Variants in MEGF10 observed in about 807,000 individuals in gnomAD.
MEGF10 encodes the protein multiple EGF like domains 10, also known as multiple epidermal growth factor-like domains protein 10.
MEGF10 carries 86 observed loss-of-function variants against 147.5 expected under a neutral mutation model. The ratio of observed to expected loss-of-function variants is 0.58; its 90% confidence interval spans 0.49 to 0.70. MEGF10 has a LOEUF of 0.70. Among genes scored for constraint, MEGF10 ranks in the 30% least tolerant of loss-of-function variants. The pLI, the probability that MEGF10 is intolerant of heterozygous loss-of-function variation, is 0.00. For missense variants in MEGF10, 1,329 were observed against 1,487.3 expected, an observed-to-expected ratio of 0.89 and a Z score of 1.75; for synonymous variants, 478 against 525.5, an observed-to-expected ratio of 0.91 and a Z score of 1.24.
intron 2 of MEGF10, among the ~76,000 whole-genome samples, chr5:127,334,212 G>A (rs768757713): frequency 6.6e-6 from 1 of 152,044 alleles, no homozygotes; most frequent in Non-Finnish European, 1.5e-5. Context: ...AGCTCCAAGG[G>A]CATAATTCTG....
the MEGF10 span, among the ~76,000 whole-genome samples, chr5:127,234,575 A>C: frequency 6.6e-6 from 1 of 152,230 alleles, no homozygotes; most frequent in African/African-American, 2.4e-5. Context: ...TGCATCCACC[A>C]AAATGAATCC....
chr5:127,378,155 C>T (rs1056022647), intron 5 of MEGF10, among the ~76,000 whole-genome samples: 2 of 152,166 alleles, frequency 1.3e-5, no homozygotes, highest in African/African-American at 2.4e-5. Flanking sequence ...ATTGCTATCC[C>T]CCTAACTGCT....
At chr5:127,311,970 G>A (rs905915030) in intron 1 of MEGF10, among the ~76,000 whole-genome samples, 1 of 152,144 alleles carries the variant, frequency 6.6e-6, no homozygotes, top group Non-Finnish European at 1.5e-5. Context: ...ACTTTAAAAA[G>A]TCATAATTAC....
At chr5:127,404,953 C>T (rs1580824796) in intron 8 of MEGF10, among the ~76,000 whole-genome samples, 2 of 152,058 alleles carry the variant, frequency 1.3e-5, no homozygotes, top group Non-Finnish European at 2.9e-5. Flanking sequence ...TGAGCTCAGG[C>T]AATCTGCCTG....
At chr5:127,427,069 T>G (rs1231148877) in intron 13 of MEGF10, among the ~76,000 whole-genome samples, 1 of 152,246 alleles carries the variant, frequency 6.6e-6, no homozygotes, top group Non-Finnish European at 1.5e-5. Context: ...CAGGATGTAC[T>G]CCTTGGCACA....
chr5:127,264,046 A>C, the MEGF10 span, among the ~76,000 whole-genome samples: 1 of 152,174 alleles, frequency 6.6e-6, no homozygotes, highest in Non-Finnish European at 1.5e-5. Context: ...CTCTTATGAA[A>C]GTAGGAGGGA....
the MEGF10 span, among the ~76,000 whole-genome samples, chr5:127,273,683 A>G: frequency 6.6e-6 from 1 of 152,222 alleles, no homozygotes; most frequent in African/African-American, 2.4e-5. Context: ...TCTGCTTTTG[A>G]AAAGGTCTTA....
chr5:127,276,709 C>A, the MEGF10 span, among the ~76,000 whole-genome samples: 1 of 152,134 alleles, frequency 6.6e-6, no homozygotes, highest in Non-Finnish European at 1.5e-5. Flanking sequence ...GCTTGAGATA[C>A]ATCAGTACAC....
chr5:127,383,267 A>G (rs1372965021), intron 5 of MEGF10, among the ~76,000 whole-genome samples: 1 of 152,162 alleles, frequency 6.6e-6, no homozygotes, highest in Non-Finnish European at 1.5e-5. Flanking sequence ...AGTTTATAGT[A>G]TAATAATGAA....
chr5:127,456,886 A>G (rs1319923734), intron 24 of MEGF10, among the ~76,000 whole-genome samples: 2 of 152,172 alleles, frequency 1.3e-5, no homozygotes, highest in Non-Finnish European at 2.9e-5. Flanking sequence ...TTCCCTTAAT[A>G]TCTTCATCCC....
At chr5:127,438,257 G>A (rs548036346) in intron 16 of MEGF10, among the ~76,000 whole-genome samples, 182 bp from the exon 17 acceptor site, 1 of 152,302 alleles carries the variant, frequency 6.6e-6, no homozygotes, top group Non-Finnish European at 1.5e-5. Context: ...AATGACAGTC[G>A]TTGTTGAAGT....
intron 1 of MEGF10, among the ~76,000 whole-genome samples, chr5:127,300,283 G>A (rs977211107): frequency 6.6e-6 from 1 of 152,148 alleles, no homozygotes; most frequent in Non-Finnish European, 1.5e-5. Flanking sequence ...GATATAGAGA[G>A]GCTTGCCCTC....
chr5:127,235,479 G>T, the MEGF10 span, among the ~76,000 whole-genome samples: 2 of 152,094 alleles, frequency 1.3e-5, no homozygotes, highest in Non-Finnish European at 2.9e-5. Context: ...TACCCCTTAG[G>T]TTTACCTAGT....
At chr5:127,371,094 T>C (rs548022034) in intron 5 of MEGF10, among the ~76,000 whole-genome samples, 1 of 152,268 alleles carries the variant, frequency 6.6e-6, no homozygotes, top group African/African-American at 2.4e-5. Flanking sequence ...TTGGCTCTCC[T>C]TGAAGCAGCT....
chr5:127,302,290 G>A (rs1351464794), intron 1 of MEGF10, among the ~76,000 whole-genome samples: 1 of 152,080 alleles, frequency 6.6e-6, no homozygotes, highest in African/African-American at 2.4e-5. Flanking sequence ...ATTTAGTCAT[G>A]GAAAGAAATG....
At position 127,461,067 on chromosome 5, in the gene MEGF10, G is replaced by T. The variant is rs567392542; in HGVS notation, c.*3749G>T. On this transcript the variant is annotated 3_prime_UTR_variant, in exon 25 of 25. Coordinates refer to ENST00000503335, the MANE Select transcript of MEGF10 (RefSeq NM_001256545.2). ...AAAAGAAAAATCAAAATACATTAGG[G>T]TTTACTTGGTTGTGGCAAACAAACA... 6.6e-6 allele frequency: 1 copy of T among 152,094 alleles called. No homozygotes were observed. The highest frequency in any genetic ancestry group is 2.4e-5 in the African/African-American group (1 of 41,414). 9.4% of individuals were successfully genotyped at this position (152,094 alleles called of 1,614,324 possible).
intron 17 of MEGF10, 130 bp from the exon 18 acceptor site, chr5:127,440,609 G>C: frequency 1.1e-6 from 1 of 922,528 alleles, no homozygotes; most frequent in Non-Finnish European, 1.7e-6. Context: ...GCTCAGATAT[G>C]TACTATTCAC....
At chr5:127,382,475 T>C (rs1381285763) in intron 5 of MEGF10, among the ~76,000 whole-genome samples, 1 of 152,210 alleles carries the variant, frequency 6.6e-6, no homozygotes, top group East Asian at 1.9e-4. Flanking sequence ...TGTTAGTATA[T>C]AATTGGAAAT....
At position 127,420,202 on chromosome 5, in the gene MEGF10, T is replaced by G. The variant is rs758644802; in HGVS notation, c.1585T>G (p.Cys529Gly). ...GWRGEKCELP[C>G]QDGTYGLNCA... ...GCGCGGGGAGAAATGCGAACTTCCC[T>G]GCCAGGTATGCACAAATCAGCGCCC... Residue 529 changes from cysteine to glycine, a missense_variant, in exon 12 of 25, where the codon TGC becomes GGC. Transcript: ENST00000503335. 6.2e-7 allele frequency: 1 copy of G among 1,614,066 alleles called. No homozygotes were observed. Among genetic ancestry groups the G allele is most frequent in the Non-Finnish European group, 8.5e-7 (1 of 1,179,952 alleles).
Sources: allele counts gnomAD v4.1 joint callset (sites outside exome capture counted in the v4.1 genomes callset), GRCh38; gene constraint gnomAD v4.1.1; transcripts MANE v1.5; gene names NCBI Gene and HGNC (gene_info 2026-07-23, HGNC 2026-07-21).